ARMC9: variants seen among roughly 807,000 people sequenced by gnomAD.
ARMC9 encodes armadillo repeat containing 9.
In ARMC9, 94 loss-of-function variants were observed where a neutral mutation model predicts 107.0. The ratio of observed to expected loss-of-function variants is 0.88; its 90% CI spans 0.74 to 1.04. The LOEUF (loss-of-function observed/expected upper bound fraction) is 1.04, where lower values mean the gene tolerates loss of function less well. ARMC9 is among the 50% of genes least tolerant of loss of function. The pLI is 0.00. For missense variants in ARMC9, 942 were observed against 1,030.1 expected (o/e 0.91, Z 1.17); for synonymous variants, 380 against 396.9 (o/e 0.96, Z 0.51).
intron 7 of ARMC9, among the ~76,000 whole-genome samples, chr2:231,233,375 A>C (rs539803328): frequency 1.3e-5 from 2 of 152,270 alleles, no homozygotes; most frequent in African/African-American, 4.8e-5. Context: ...ATAAAATCAG[A>C]ATCTCTGGGA....
At chr2:231,302,777 T>G (rs1575011303) in intron 19 of ARMC9, among the ~76,000 whole-genome samples, 1 of 152,176 alleles carries the variant, frequency 6.6e-6, no homozygotes, top group Non-Finnish European at 1.5e-5. Flanking sequence ...CCCAGGTGGG[T>G]GGATCACCTG....
chr2:231,202,349 G>T (rs1173737193), intron 1 of ARMC9, among the ~76,000 whole-genome samples: 17 of 146,930 alleles, frequency 1.2e-4, no homozygotes, highest in Non-Finnish European at 2.1e-4. Context: ...TTGAGACAGG[G>T]TCTTACTTTG....
chr2:231,312,937 A>G (rs1050716454), intron 19 of ARMC9, among the ~76,000 whole-genome samples: 8 of 152,176 alleles, frequency 5.3e-5, no homozygotes, highest in African/African-American at 1.9e-4. Context: ...AGCTCTGGGA[A>G]TGTTGTAAAA....
At chr2:231,208,424 C>T (rs1266272447) in intron 3 of ARMC9, among the ~76,000 whole-genome samples, 172 bp downstream of exon 3, 1 of 152,126 alleles carries the variant, frequency 6.6e-6, no homozygotes, top group Non-Finnish European at 1.5e-5. Context: ...ATCTCTGTAC[C>T]CTCCCCAGGA....
chr2:231,278,955 G>A (rs1356478919), intron 16 of ARMC9, among the ~76,000 whole-genome samples: 1 of 152,156 alleles, frequency 6.6e-6, no homozygotes, highest in Non-Finnish European at 1.5e-5. Context: ...TGTCACTACT[G>A]CAAAATAGCC....
At position 231,345,010 on chromosome 2, in the gene ARMC9, G is replaced by T; in HGVS notation, c.1914G>T (p.Gly638=). 6.2e-7 allele frequency: 1 copy of T among 1,614,068 alleles called. No homozygotes were observed. Among genetic ancestry groups the T allele is most frequent in the Non-Finnish European group, 8.5e-7 (1 of 1,180,016 alleles). ...ACACGGGGAAGACAAGGCGGAAGGGGCTGGCTAATGTGCAGTGGAGCGGGG... is the reference window on the plus strand; with the variant it reads ...ACACGGGGAAGACAAGGCGGAAGGGTCTGGCTAATGTGCAGTGGAGCGGGG... ...MTNTGKTRRK[G]LANVQWSGDE... Residue 638 remains glycine, a synonymous_variant, in exon 21 of 25, where the codon GGG becomes GGT. Coordinates refer to ENST00000611582, the MANE Select transcript of ARMC9 (RefSeq NM_001352754.2).
chr2:231,321,047 C>G (rs2125534714), intron 19 of ARMC9, among the ~76,000 whole-genome samples: 1 of 152,308 alleles, frequency 6.6e-6, no homozygotes, highest in East Asian at 1.9e-4. Flanking sequence ...TTTGGGCAAG[C>G]TGGTGAACCT....
At chr2:231,242,431 A>G (rs2036388579) in intron 9 of ARMC9, among the ~76,000 whole-genome samples, 1 of 152,212 alleles carries the variant, frequency 6.6e-6, no homozygotes, top group African/African-American at 2.4e-5. Flanking sequence ...CCAAAATCTT[A>G]GAGAATCAGC....
chr2:231,292,518 C>T (rs1165706008), intron 18 of ARMC9, among the ~76,000 whole-genome samples: 1 of 152,222 alleles, frequency 6.6e-6, no homozygotes, highest in African/African-American at 2.4e-5. Context: ...TATCCAGCCT[C>T]CTCCATTACC....
At chr2:231,270,759 A>G (rs1487055430) in intron 12 of ARMC9, 3 of 666,536 alleles carry the variant, frequency 4.5e-6, no homozygotes, top group Non-Finnish European at 8.4e-6. Flanking sequence ...GCTTCGTGTA[A>G]TTAATTCATT....
At chr2:231,324,177 G>C (rs1367957207) in intron 19 of ARMC9, among the ~76,000 whole-genome samples, 1 of 137,184 alleles carries the variant, frequency 7.3e-6, no homozygotes, top group Non-Finnish European at 1.5e-5. Context: ...GCCCAGGCTG[G>C]AGTGCAGTGG....
intron 1 of ARMC9, among the ~76,000 whole-genome samples, chr2:231,202,413 T>G (rs1222164258): frequency 6.6e-6 from 1 of 151,126 alleles, no homozygotes; most frequent in Non-Finnish European, 1.5e-5. Flanking sequence ...GCCTTGACCT[T>G]CCTGGTTCAA....
chr2:231,336,487 C>T (rs999593551), intron 20 of ARMC9, among the ~76,000 whole-genome samples: 2 of 152,156 alleles, frequency 1.3e-5, no homozygotes, highest in African/African-American at 2.4e-5. Flanking sequence ...CAGCGCTGGC[C>T]GTTGTCAGGT....
chr2:231,329,245 C>A (rs1405465863), intron 19 of ARMC9, among the ~76,000 whole-genome samples: 1 of 152,004 alleles, frequency 6.6e-6, no homozygotes, highest in Non-Finnish European at 1.5e-5. Flanking sequence ...ATGGGGAGAA[C>A]TATGTTGAGT....
chr2:231,260,381 A>T, intron 11 of ARMC9, among the ~76,000 whole-genome samples: 1 of 152,194 alleles, frequency 6.6e-6, no homozygotes, highest in East Asian at 1.9e-4. Flanking sequence ...TCAAGCCAAC[A>T]GTGGTTGAGC....
At chr2:231,222,443 C>T (rs970592724) in intron 5 of ARMC9, among the ~76,000 whole-genome samples, 12 of 152,164 alleles carry the variant, frequency 7.9e-5, no homozygotes, top group Non-Finnish European at 1.5e-4. Context: ...GGTTCCTTGT[C>T]ACGACTGTGT....
intron 9 of ARMC9, among the ~76,000 whole-genome samples, chr2:231,247,159 G>A (rs1176731018): frequency 6.6e-6 from 1 of 152,142 alleles, no homozygotes; most frequent in East Asian, 1.9e-4. Flanking sequence ...GTTTCACCGT[G>A]TTAGCCAGGA....
chr2:231,293,933 A>G (rs184924852), intron 18 of ARMC9: 1 of 152,240 alleles, frequency 6.6e-6, no homozygotes, highest in Non-Finnish European at 1.5e-5. Context: ...TCCTGTCTTC[A>G]TCCTCAAGTG....
At chr2:231,252,219 T>C (rs1451252747) in intron 9 of ARMC9, among the ~76,000 whole-genome samples, 7 of 152,198 alleles carry the variant, frequency 4.6e-5, no homozygotes, top group Non-Finnish European at 1.0e-4. Context: ...TATCACTAAT[T>C]ATCAAGTATT....
Sources: gnomAD v4.1 joint callset for allele counts (sites outside exome capture counted in the v4.1 genomes callset) on GRCh38, gnomAD v4.1.1 for gene constraint, MANE v1.5 for transcripts, NCBI Gene and HGNC (gene_info 2026-07-23, HGNC 2026-07-21) for gene names.